The following ELP3 variants were observed in gnomAD, a reference collection of about 807,000 sequenced individuals.
The protein encoded by ELP3 is elongator acetyltransferase complex subunit 3.
Under a neutral mutation model 74.9 loss-of-function variants are expected in ELP3, and 56 were observed. The ratio of observed to expected loss-of-function variants is 0.75; its 90% confidence interval spans 0.60 to 0.93. ELP3 has a LOEUF of 0.93. Among genes scored for constraint, ELP3 ranks in the 40% least tolerant of loss-of-function variants. The pLI is 0.00. For missense variants in ELP3, 573 were observed against 686.5 expected, an observed-to-expected ratio of 0.83 and a Z score of 1.85; for synonymous variants, 222 against 239.8, an observed-to-expected ratio of 0.93 and a Z score of 0.68.
intron 10 of ELP3, among the ~76,000 whole-genome samples, chr8:28,141,099 C>G (rs540948704): frequency 6.6e-6 from 1 of 152,168 alleles, no homozygotes; most frequent in Non-Finnish European, 1.5e-5. Flanking sequence ...AGAACTAGAA[C>G]CAACTACCGA....
chr8:28,163,931 T>C (rs1298831394), intron 14 of ELP3, among the ~76,000 whole-genome samples: 2 of 152,172 alleles, frequency 1.3e-5, no homozygotes, highest in Non-Finnish European at 2.9e-5. Context: ...AGACCACACT[T>C]TGTACACAAG....
chr8:28,172,469 C>T (rs530638820), intron 14 of ELP3, among the ~76,000 whole-genome samples: 1 of 152,134 alleles, frequency 6.6e-6, no homozygotes, highest in South Asian at 2.1e-4. Flanking sequence ...AGAAATAAAA[C>T]TGATTTTTCT....
At chr8:28,113,762 C>T (rs745590311) in intron 7 of ELP3, 1 of 152,062 alleles carries the variant, frequency 6.6e-6, no homozygotes, top group African/African-American at 2.4e-5. Context: ...CGGCAAAAGA[C>T]AAGAGAAACA....
chr8:28,094,519 G>T (rs904771655), intron 1 of ELP3, among the ~76,000 whole-genome samples: 1 of 152,208 alleles, frequency 6.6e-6, no homozygotes, highest in African/African-American at 2.4e-5. Context: ...AGGAATTGGA[G>T]ACCAGCCTGA....
At chr8:28,151,064 C>T (rs1439733771) in intron 10 of ELP3, among the ~76,000 whole-genome samples, 3 of 152,168 alleles carry the variant, frequency 2.0e-5, no homozygotes, top group Non-Finnish European at 4.4e-5. Context: ...TGTGAGCCAC[C>T]GTACTCGGCC....
intron 14 of ELP3, among the ~76,000 whole-genome samples, chr8:28,166,376 C>G (rs544637805): frequency 6.6e-6 from 1 of 152,178 alleles, no homozygotes. Flanking sequence ...TTATGAGAAC[C>G]ACCAGTTTAT....
At chr8:28,185,827 GC>G (rs1412716986) in intron 14 of ELP3, among the ~76,000 whole-genome samples, 1 of 152,182 alleles carries the variant, frequency 6.6e-6, no homozygotes, top group Non-Finnish European at 1.5e-5. Flanking sequence ...TGTGGATCAG[GC>G]TAAGGAATTT....
rs376342188 is a variant in ELP3 at position 28,189,649 on chromosome 8, G to A, written c.1568G>A (p.Gly523Glu). The change falls in exon 15 of 15, where the codon GGG becomes GAG. Residue 523 changes from glycine to glutamate, a missense_variant and splice_region_variant. Physicochemically the swap from Gly to Glu is moderately conservative, Grantham distance 98. Coordinates refer to ENST00000256398, the MANE Select transcript of ELP3 (RefSeq NM_018091.6). ...HGSGKIAVIS[G>E]VGTRNYYRKI... ...TTTTTTAACTTCGATTTTTCTGCAG[G>A]GGTCGGCACCAGGAATTATTATAGA... is the stretch of plus-strand genomic sequence containing the variant. The A allele has an allele frequency of 8.1e-6, 13 of 1,613,886 alleles. No homozygotes were observed. The highest frequency in any genetic ancestry group is 1.0e-5 in the Non-Finnish European group (12 of 1,179,916).
At chr8:28,129,055 T>C (rs1030101736) in intron 7 of ELP3, among the ~76,000 whole-genome samples, 30 of 152,346 alleles carry the variant, frequency 2.0e-4, no homozygotes, top group African/African-American at 6.5e-4. Flanking sequence ...TTTTTTTCTT[T>C]CATTTAAAAT....
chr8:28,167,900 A>G lies in ELP3; in HGVS notation c.1567+5822A>G, dbSNP rs146404684. 3.6e-3 allele frequency among the ~76,000 whole-genome samples: 551 copies of G among 152,352 alleles called. 3 individuals carry two copies. Among genetic ancestry groups the G allele is most frequent in the African/African-American group, 0.013 (527 of 41,576 alleles). ...CTTAAAGACAATGGATACAATATAA[A>G]GTATTTCTTTACTACAGGAATTCAA... On this transcript the variant is annotated intron_variant, in intron 14 of 14. Transcript: ENST00000256398.
intron 3 of ELP3, among the ~76,000 whole-genome samples, chr8:28,104,652 A>C (rs919452569): frequency 4.6e-5 from 7 of 152,196 alleles, no homozygotes; most frequent in Admixed American, 1.3e-4. Flanking sequence ...TTTTCTCATC[A>C]TGAGATTCAG....
At chr8:28,160,598 T>C in intron 13 of ELP3, 142 bp downstream of exon 13, 1 of 718,572 alleles carries the variant, frequency 1.4e-6, no homozygotes, top group Non-Finnish European at 2.3e-6. Flanking sequence ...AGCCAGTGTT[T>C]TAGTTGTTCA....
At chr8:28,155,452 G>A (rs1288631656) in intron 10 of ELP3, among the ~76,000 whole-genome samples, 1 of 152,062 alleles carries the variant, frequency 6.6e-6, no homozygotes, top group Non-Finnish European at 1.5e-5. Flanking sequence ...AGATTTTTGA[G>A]AAACAAGGAA....
At chr8:28,187,617 T>C (rs1815291186) in intron 14 of ELP3, among the ~76,000 whole-genome samples, 1 of 152,068 alleles carries the variant, frequency 6.6e-6, no homozygotes, top group African/African-American at 2.4e-5. Context: ...TAGAATCCTG[T>C]CCCCCCCATG....
intron 2 of ELP3, among the ~76,000 whole-genome samples, chr8:28,098,246 CT>C (rs1811335186): frequency 1.3e-5 from 2 of 151,684 alleles, no homozygotes; most frequent in African/African-American, 4.8e-5. Context: ...CTATGTAGAT[CT>C]TCCCTAATGA....
intron 7 of ELP3, among the ~76,000 whole-genome samples, chr8:28,119,739 C>T (rs1474769775): frequency 6.6e-6 from 1 of 151,526 alleles, no homozygotes; most frequent in Non-Finnish European, 1.5e-5. Context: ...AAAGTTCCCA[C>T]ATCCCACTTG....
chr8:28,125,458 G>A (rs1391153029), intron 7 of ELP3, among the ~76,000 whole-genome samples: 2 of 152,160 alleles, frequency 1.3e-5, no homozygotes, highest in Non-Finnish European at 2.9e-5. Context: ...TTTTGAAAGA[G>A]GAGCTGCCAC....
chr8:28,129,334 A>G (rs1047269979), intron 7 of ELP3, 168 bp from the exon 8 acceptor site: 5 of 628,796 alleles, frequency 8.0e-6, no homozygotes, highest in Non-Finnish European at 1.4e-5. Context: ...CCCCATGTGC[A>G]TAGTTAGGAA....
intron 14 of ELP3, among the ~76,000 whole-genome samples, chr8:28,180,629 A>G (rs893911558): frequency 3.3e-5 from 5 of 152,218 alleles, no homozygotes; most frequent in African/African-American, 1.2e-4. Context: ...TGAGCATTTT[A>G]TATGAGAATT....
Sources: allele counts gnomAD v4.1 joint callset (sites outside exome capture counted in the v4.1 genomes callset), GRCh38; gene constraint gnomAD v4.1.1; transcripts MANE v1.5; gene names NCBI Gene and HGNC (gene_info 2026-07-23, HGNC 2026-07-21).